HAS2: variants seen among roughly 807,000 people sequenced by gnomAD.
The protein encoded by HAS2 is HA synthase 2.
Under a neutral mutation model 51.6 loss-of-function variants are expected in HAS2, and 16 were observed. The observed-to-expected ratio is 0.31, with a 90% CI of 0.21 to 0.47. HAS2 has a LOEUF of 0.47. Among genes scored for constraint, HAS2 ranks in the 20% least tolerant of loss-of-function variants. The probability of loss-of-function intolerance (pLI) is 1.00; values close to 1 mark genes in which losing one functional copy is unlikely to be tolerated. For synonymous variants in HAS2, 228 were observed against 235.5 expected (o/e 0.97, Z 0.29); for missense variants, 361 against 662.6 (o/e 0.54, Z 5.00).
At chr8:121,619,709 G>A (rs543880923) in intron 2 of HAS2, among the ~76,000 whole-genome samples, 1 of 152,134 alleles carries the variant, frequency 6.6e-6, no homozygotes, top group East Asian at 1.9e-4. Flanking sequence ...GTTTGTATGT[G>A]GCTACCAGGT....
chr8:121,637,542 C>A (rs1329811080), intron 1 of HAS2, among the ~76,000 whole-genome samples: 6 of 151,980 alleles, frequency 3.9e-5, no homozygotes, highest in Admixed American at 6.6e-5. Context: ...AGGTGGCCAC[C>A]ACCACACCTG....
At chr8:121,631,477 G>A (rs1812927824) in intron 1 of HAS2, among the ~76,000 whole-genome samples, 1 of 152,176 alleles carries the variant, frequency 6.6e-6, no homozygotes, top group Non-Finnish European at 1.5e-5. Flanking sequence ...GCAGCTTAAA[G>A]GATCAGTTAA....
chr8:121,636,820 G>A (rs959622298), intron 1 of HAS2, among the ~76,000 whole-genome samples: 1 of 152,104 alleles, frequency 6.6e-6, no homozygotes, highest in Non-Finnish European at 1.5e-5. Flanking sequence ...AGTCTCTTTA[G>A]GAAATCTTTA....
intron 2 of HAS2, among the ~76,000 whole-genome samples, chr8:121,625,703 T>G (rs190544067): frequency 8.8e-6 from 1 of 113,858 alleles, no homozygotes; most frequent in Non-Finnish European, 1.8e-5. Context: ...TTTTTTTTTG[T>G]AGAGATGAGG....
chr8:121,633,097 G>A (rs1812955499), intron 1 of HAS2, among the ~76,000 whole-genome samples: 1 of 151,184 alleles, frequency 6.6e-6, no homozygotes, highest in African/African-American at 2.4e-5. Context: ...CATCGTATAA[G>A]GAAAGATTAG....
intron 1 of HAS2, among the ~76,000 whole-genome samples, chr8:121,632,734 ACTC>A (rs1812949962): frequency 7.0e-6 from 1 of 143,400 alleles, no homozygotes; most frequent in African/African-American, 2.7e-5. Flanking sequence ...GTGCAAATTT[ACTC>A]ATCATCATCA....
rs1812736548 is a variant in HAS2, at chr8:121,618,548, A to G, written c.628-1342T>C. 2.0e-5 allele frequency among the ~76,000 whole-genome samples: 3 copies of G among 152,356 alleles called. No homozygotes were observed. In the East Asian group the frequency reaches 5.8e-4, roughly 29 times the overall value. On this transcript the variant is annotated intron_variant, in intron 2 of 3. Coordinates refer to ENST00000303924, the MANE Select transcript of HAS2 (RefSeq NM_005328.3). ...TATACCTGCCAATGGAGCTTCCTCC[A>G]TATGATCAGAGAAAATCAGAAATAG...
chr8:121,636,009 CA>C (rs1813003452), intron 1 of HAS2, among the ~76,000 whole-genome samples: 1 of 152,050 alleles, frequency 6.6e-6, no homozygotes, highest in African/African-American at 2.4e-5. Flanking sequence ...GTATGGTGAA[CA>C]AAAGGTTAAA....
chr8:121,623,118 T>A (rs933199965), intron 2 of HAS2, among the ~76,000 whole-genome samples: 7 of 152,222 alleles, frequency 4.6e-5, no homozygotes, highest in Admixed American at 3.3e-4. Flanking sequence ...TTGGTACTTC[T>A]TTGTAATTCT....
At position 121,614,083 on chromosome 8, in the gene HAS2, G is replaced by A. The variant is rs1812670575; in HGVS notation, c.*26C>T. 1 of 1,613,572 alleles carries A rather than the reference G, an allele frequency of 6.2e-7. No individual in the cohort carries two copies. Among genetic ancestry groups the A allele is most frequent in the Non-Finnish European group, 8.5e-7 (1 of 1,179,906 alleles). On this transcript the variant is annotated 3_prime_UTR_variant, in exon 4 of 4. Coordinates refer to ENST00000303924, the MANE Select transcript of HAS2 (RefSeq NM_005328.3). The surrounding 1 kb of genome is among the most constrained non-coding windows in gnomAD (Gnocchi z 7.2). ...CTAGAGGAACTAAGGTGTTGTGTGT[G>A]ACTGCAAACGTCAAAACATGGAAGA...
chr8:121,613,277 G>A lies in HAS2; in HGVS notation c.*832C>T, dbSNP rs1812661093. The stretch of plus-strand genomic sequence containing the variant: ...TTTTTTTTTAGGTACACACGAAAGT[G>A]TGTATTTTTACTTCCAAAGTGTGAT... On this transcript the variant is annotated 3_prime_UTR_variant, in exon 4 of 4. Coordinates refer to ENST00000303924, the MANE Select transcript of HAS2 (RefSeq NM_005328.3). 1 of 152,144 alleles carries A rather than the reference G, an allele frequency of 6.6e-6. No homozygotes were observed. Among genetic ancestry groups the A allele is most frequent in the South Asian group, 2.1e-4 (1 of 4,816 alleles). 9.4% of individuals were successfully genotyped at this position (152,144 alleles called of 1,614,324 possible).
At chr8:121,639,573 G>T in intron 1 of HAS2, 1 of 152,736 alleles carries the variant, frequency 6.5e-6, no homozygotes, top group Non-Finnish European at 1.5e-5. Flanking sequence ...TAGGACACAG[G>T]TCTTGCAAGT....
At chr8:121,615,564 C>G (rs1475036029) in intron 3 of HAS2, among the ~76,000 whole-genome samples, 2 of 152,094 alleles carry the variant, frequency 1.3e-5, no homozygotes, top group Non-Finnish European at 2.9e-5. Context: ...CTCAGATGAT[C>G]TGACTTCCTC....
chr8:121,630,724 A>G (rs1256943890), intron 1 of HAS2, among the ~76,000 whole-genome samples: 1 of 152,172 alleles, frequency 6.6e-6, no homozygotes, highest in Admixed American at 6.5e-5. Context: ...TTACCTTTGC[A>G]AAATCTTTTG....
At chr8:121,625,550 C>A (rs1478855409) in intron 2 of HAS2, among the ~76,000 whole-genome samples, 1 of 150,326 alleles carries the variant, frequency 6.7e-6, no homozygotes, top group African/African-American at 2.5e-5. Flanking sequence ...GAGACAGGAT[C>A]TTTCTCTGTT....
chr8:121,630,050 C>A (rs1812909593), intron 1 of HAS2, among the ~76,000 whole-genome samples: 1 of 151,732 alleles, frequency 6.6e-6, no homozygotes, highest in South Asian at 2.1e-4. Flanking sequence ...CCCTAAGTAC[C>A]CTGCATAGAT....
chr8:121,620,027 T>C (rs1348637616), intron 2 of HAS2, among the ~76,000 whole-genome samples: 2 of 152,168 alleles, frequency 1.3e-5, no homozygotes, highest in African/African-American at 4.8e-5. Flanking sequence ...CAATTTCCAA[T>C]AGCAAAGTGC....
At chr8:121,616,979 A>T (rs1448773965) in intron 3 of HAS2, 126 bp downstream of exon 3, 1 of 634,590 alleles carries the variant, frequency 1.6e-6, no homozygotes, top group Non-Finnish European at 2.8e-6. Flanking sequence ...ATGTGTCTCA[A>T]GCACCAACAA....
chr8:121,614,772 A>C lies in HAS2; in HGVS notation c.996T>G (p.Ala332=), dbSNP rs746998640. 6.2e-7 allele frequency: 1 copy of C among 1,614,224 alleles called. No homozygotes were observed. Among genetic ancestry groups the C allele is most frequent in the Non-Finnish European group, 8.5e-7 (1 of 1,180,048 alleles). Residue 332 remains alanine, a synonymous_variant, in exon 4 of 4, where the codon GCT becomes GCG. Coordinates refer to ENST00000303924, the MANE Select transcript of HAS2 (RefSeq NM_005328.3). The surrounding 1 kb of genome is among the most constrained non-coding windows in gnomAD (Gnocchi z 7.2). Reference sequence around the variant, plus strand: ...GTGTTTCAGTAAGGCACTTAGATCGAGCTGTGTATTTTGTTGCATAGCCCA... The same window carrying C: ...GTGTTTCAGTAAGGCACTTAGATCGCGCTGTGTATTTTGTTGCATAGCCCA... ...LSLGYATKYT[A]RSKCLTETPI... is the part of the protein sequence containing the mutation.
Sources: allele counts gnomAD v4.1 joint callset (sites outside exome capture counted in the v4.1 genomes callset), GRCh38; gene constraint gnomAD v4.1.1; non-coding constraint Gnocchi (gnomAD v3.1); transcripts MANE v1.5; gene names NCBI Gene and HGNC (gene_info 2026-07-23, HGNC 2026-07-21).